Variants in TTLL11 observed in about 807,000 individuals in gnomAD.
The protein encoded by TTLL11 is tubulin polyglutamylase TTLL11.
Under a neutral mutation model 51.7 loss-of-function variants are expected in TTLL11, and 42 were observed. The ratio of observed to expected loss-of-function variants is 0.81; its 90% confidence interval spans 0.64 to 1.05. The LOEUF (loss-of-function observed/expected upper bound fraction) is 1.05, where lower values mean the gene tolerates loss of function less well. TTLL11 is among the 50% of genes least tolerant of loss of function. TTLL11 has a pLI of 0.00. For synonymous variants in TTLL11, 381 were observed against 383.5 expected (o/e 0.99, Z 0.08); for missense variants, 799 against 940.4 (o/e 0.85, Z 1.97).
intron 8 of TTLL11, among the ~76,000 whole-genome samples, chr9:121,829,665 G>A (rs776459384): frequency 2.0e-5 from 3 of 151,860 alleles, no homozygotes; most frequent in Non-Finnish European, 2.9e-5. Context: ...ATAGTACCAC[G>A]GGGCATGGGG....
rs1395640691 is a variant in TTLL11, at chr9:122,090,252, G to A, written c.462+2435C>T. 3.9e-5 allele frequency among the ~76,000 whole-genome samples: 6 copies of A among 152,162 alleles called. No homozygotes were observed. In the South Asian group the frequency reaches 1.0e-3, roughly 26 times the overall value. ...CTACTTTACAGATAAGCAAACTGAG[G>A]CCTCAAGGGTTTAACTGACTTGCCC... On this transcript the variant is annotated intron_variant, in intron 1 of 8. Coordinates refer to ENST00000321582, the MANE Select transcript of TTLL11 (RefSeq NM_001139442.2).
Position 122,022,161 on chromosome 9 carries a change from T to C in TTLL11, c.693+9562A>G, listed in dbSNP as rs563043083. Among the ~76,000 whole-genome samples, 6 of 152,148 alleles carry C rather than the reference T, an allele frequency of 3.9e-5. 1 individual carries two copies. The South Asian group carries it at 1.2e-3, about 31-fold the overall frequency. On this transcript the variant is annotated intron_variant, in intron 3 of 8. Transcript: ENST00000321582. ...TGGGACAACTTCAGATGTACTAATATGTACGTAATTAGAGTGAAGTAGAAG... is the reference window on the plus strand; with the variant it reads ...TGGGACAACTTCAGATGTACTAATACGTACGTAATTAGAGTGAAGTAGAAG...
At chr9:122,071,213 A>G (rs368777566) in intron 1 of TTLL11, among the ~76,000 whole-genome samples, 2 of 152,300 alleles carry the variant, frequency 1.3e-5, no homozygotes, top group South Asian at 4.1e-4. Context: ...TTACTTCCAC[A>G]CGGTCTGAAT....
At chr9:121,993,823 C>T (rs1843178622) in intron 3 of TTLL11, among the ~76,000 whole-genome samples, 1 of 152,200 alleles carries the variant, frequency 6.6e-6, no homozygotes, top group Non-Finnish European at 1.5e-5. Context: ...TGAAGAAATA[C>T]TGTGTCTGCA....
chr9:121,966,266 G>A (rs1842394956), intron 6 of TTLL11, among the ~76,000 whole-genome samples: 1 of 152,160 alleles, frequency 6.6e-6, no homozygotes, highest in Non-Finnish European at 1.5e-5. Context: ...ATATACCTCT[G>A]AATAAGAGGA....
intron 6 of TTLL11, among the ~76,000 whole-genome samples, chr9:121,952,781 C>G (rs541369489): frequency 4.6e-5 from 7 of 152,246 alleles, no homozygotes; most frequent in Admixed American, 2.0e-4. Context: ...CACAAACCTG[C>G]CTGGGGTTGC....
chr9:122,050,448 T>A (rs752324708), intron 1 of TTLL11, among the ~76,000 whole-genome samples: 1 of 152,174 alleles, frequency 6.6e-6, no homozygotes, highest in African/African-American at 2.4e-5. Flanking sequence ...GCCAGTAATA[T>A]AGCCACTGTC....
chr9:121,882,281 A>C (rs1016700818), intron 6 of TTLL11, among the ~76,000 whole-genome samples: 8 of 152,168 alleles, frequency 5.3e-5, no homozygotes, highest in Non-Finnish European at 7.4e-5. Flanking sequence ...AGAAGACTGT[A>C]GTCAGCGCCC....
At chr9:121,922,760 AGTGTGT>A (rs71370699) in intron 6 of TTLL11, among the ~76,000 whole-genome samples, 1 of 148,220 alleles carries the variant, frequency 6.7e-6, no homozygotes, top group Non-Finnish European at 1.5e-5. Flanking sequence ...ATATCTATTC[AGTGTGT>A]GTGTGTGTGT....
intron 6 of TTLL11, among the ~76,000 whole-genome samples, chr9:121,914,403 C>G (rs1448670428): frequency 1.3e-5 from 2 of 152,188 alleles, no homozygotes; most frequent in Non-Finnish European, 2.9e-5. Context: ...CACCTATTAC[C>G]TGGGAGGCCT....
chr9:122,029,747 C>G (rs1844470946), intron 3 of TTLL11, among the ~76,000 whole-genome samples: 10 of 152,162 alleles, frequency 6.6e-5, no homozygotes. Context: ...TACAGTGTTT[C>G]TGAAGTCTGC....
intron 1 of TTLL11, among the ~76,000 whole-genome samples, chr9:122,080,626 A>G (rs1239889267): frequency 6.6e-6 from 1 of 151,958 alleles, no homozygotes; most frequent in Non-Finnish European, 1.5e-5. Flanking sequence ...CCAGGAGTTC[A>G]AGGGTGCAGT....
chr9:122,081,292 C>T (rs921740819), intron 1 of TTLL11, among the ~76,000 whole-genome samples: 2 of 152,220 alleles, frequency 1.3e-5, no homozygotes, highest in African/African-American at 4.8e-5. Context: ...TAGATCTAAG[C>T]TGTGTGTCTC....
chr9:122,038,928 T>C (rs1219411843), intron 2 of TTLL11, among the ~76,000 whole-genome samples: 1 of 152,224 alleles, frequency 6.6e-6, no homozygotes, highest in Non-Finnish European at 1.5e-5. Flanking sequence ...TTCTATGACA[T>C]ATGCCTAGAA....
At chr9:122,080,338 T>G (rs1845970320) in intron 1 of TTLL11, among the ~76,000 whole-genome samples, 1 of 152,212 alleles carries the variant, frequency 6.6e-6, no homozygotes, top group Non-Finnish European at 1.5e-5. Context: ...CCTTAAAATG[T>G]ATATTCCGTG....
chr9:122,017,637 AT>A (rs1444999623), intron 3 of TTLL11, among the ~76,000 whole-genome samples: 3 of 152,040 alleles, frequency 2.0e-5, no homozygotes, highest in Non-Finnish European at 4.4e-5. Flanking sequence ...TAATTTTTGT[AT>A]TTTTAGTAGA....
At chr9:122,023,240 G>A (rs1051870118) in intron 3 of TTLL11, among the ~76,000 whole-genome samples, 1 of 151,832 alleles carries the variant, frequency 6.6e-6, no homozygotes, top group East Asian at 1.9e-4. Flanking sequence ...AACTATTAAA[G>A]CTCATTCAAG....
At chr9:121,824,991 A>T (rs1364185366) in intron 8 of TTLL11, among the ~76,000 whole-genome samples, 2 of 152,150 alleles carry the variant, frequency 1.3e-5, no homozygotes, top group African/African-American at 2.4e-5. Flanking sequence ...GGTTCTTTTG[A>T]CTGCAGACAT....
chr9:122,086,274 G>A (rs1054859757), intron 1 of TTLL11, among the ~76,000 whole-genome samples: 3 of 152,136 alleles, frequency 2.0e-5, no homozygotes, highest in Non-Finnish European at 2.9e-5. Flanking sequence ...GCTATTACCC[G>A]AATTGTATCG....
Sources: allele counts gnomAD v4.1 joint callset (sites outside exome capture counted in the v4.1 genomes callset), GRCh38; gene constraint gnomAD v4.1.1; transcripts MANE v1.5; gene names NCBI Gene and HGNC (gene_info 2026-07-23, HGNC 2026-07-21).